CNGB3: variants seen among roughly 807,000 people sequenced by gnomAD.
CNGB3 encodes cyclic nucleotide gated channel subunit beta 3.
In CNGB3, 86 loss-of-function variants were observed where a neutral mutation model predicts 92.8. The ratio of observed to expected loss-of-function variants is 0.93; its 90% confidence interval spans 0.78 to 1.11. CNGB3 has a LOEUF of 1.11. CNGB3 is among the 50% of genes least tolerant of loss of function. The pLI is 0.00. For synonymous variants in CNGB3, 333 were observed against 332.7 expected (o/e 1.00, Z -0.01); for missense variants, 1,026 against 956.8 (o/e 1.07, Z -0.95).
At chr8:86,611,925 C>T (rs1339074323) in intron 13 of CNGB3, among the ~76,000 whole-genome samples, 2 of 152,106 alleles carry the variant, frequency 1.3e-5, no homozygotes, top group East Asian at 3.8e-4. Context: ...GCTACGTAAC[C>T]TCTCATCCTC....
At chr8:86,655,888 T>TA (rs1823496429) in intron 6 of CNGB3, among the ~76,000 whole-genome samples, 1 of 152,232 alleles carries the variant, frequency 6.6e-6, no homozygotes, top group Non-Finnish European at 1.5e-5. Flanking sequence ...TAAGGGCTCT[T>TA]AATTAGTTGA....
chr8:86,694,036 C>T (rs1339650218), intron 3 of CNGB3, among the ~76,000 whole-genome samples: 1 of 148,824 alleles, frequency 6.7e-6, no homozygotes, highest in Non-Finnish European at 1.5e-5. Context: ...GGCAGAGGCG[C>T]CCCTCACCTC....
intron 6 of CNGB3, among the ~76,000 whole-genome samples, chr8:86,656,046 G>T (rs1381540561): frequency 6.6e-6 from 1 of 152,002 alleles, no homozygotes; most frequent in East Asian, 1.9e-4. Context: ...GACTTTTTTG[G>T]CTATAATTTT....
At chr8:86,718,340 C>A (rs942036814) in intron 3 of CNGB3, among the ~76,000 whole-genome samples, 1 of 152,058 alleles carries the variant, frequency 6.6e-6, no homozygotes, top group Middle Eastern at 3.2e-3. Flanking sequence ...GGAGATATTA[C>A]TACTGATACC....
chr8:86,587,950 T>C (rs1466454217), intron 15 of CNGB3, among the ~76,000 whole-genome samples: 4 of 151,688 alleles, frequency 2.6e-5, no homozygotes, highest in African/African-American at 7.3e-5. Flanking sequence ...TTTCACGATA[T>C]TGATTCTTCC....
At chr8:86,608,904 C>T (rs953022651) in intron 14 of CNGB3, among the ~76,000 whole-genome samples, 13 of 151,996 alleles carry the variant, frequency 8.6e-5, no homozygotes, top group South Asian at 4.2e-4. Flanking sequence ...TACCGGTCTC[C>T]GCGCATTGGT....
At chr8:86,619,498 A>G (rs866213162) in intron 13 of CNGB3, among the ~76,000 whole-genome samples, 6 of 152,152 alleles carry the variant, frequency 3.9e-5, no homozygotes, top group African/African-American at 1.2e-4. Context: ...CTGATCACCC[A>G]TGTTGAAGCA....
chr8:86,630,487 A>C (rs1227660791), intron 11 of CNGB3, among the ~76,000 whole-genome samples: 1 of 152,196 alleles, frequency 6.6e-6, no homozygotes, highest in South Asian at 2.1e-4. Flanking sequence ...AATGGATTGC[A>C]GGCTAGGGAA....
At chr8:86,600,781 T>TC (rs1228594242) in intron 15 of CNGB3, among the ~76,000 whole-genome samples, 1 of 15,368 alleles carries the variant, frequency 6.5e-5, no homozygotes, top group African/African-American at 1.2e-4. Context: ...GGCTAATTTT[T>TC]TTTTTTTTTT....
At chr8:86,739,936 G>T (rs987422889) in intron 1 of CNGB3, among the ~76,000 whole-genome samples, 200 bp from the exon 2 acceptor site, 2 of 152,148 alleles carry the variant, frequency 1.3e-5, no homozygotes, top group African/African-American at 2.4e-5. Flanking sequence ...CTCCACAGCT[G>T]CCCTCTGGTT....
chr8:86,600,005 A>G (rs928043316), intron 15 of CNGB3, among the ~76,000 whole-genome samples: 4 of 152,170 alleles, frequency 2.6e-5, no homozygotes, highest in African/African-American at 7.2e-5. Flanking sequence ...ACCTGGTGAC[A>G]TGTGATGTCT....
At chr8:86,633,093 G>A (rs1182656501) in intron 10 of CNGB3, among the ~76,000 whole-genome samples, 200 bp from the exon 11 acceptor site, 1 of 152,144 alleles carries the variant, frequency 6.6e-6, no homozygotes, top group Non-Finnish European at 1.5e-5. Context: ...ACAAGCCCAA[G>A]GAGGGTGTTT....
At chr8:86,609,147 A>G (rs1334584251) in intron 14 of CNGB3, among the ~76,000 whole-genome samples, 3 of 152,318 alleles carry the variant, frequency 2.0e-5, no homozygotes, top group South Asian at 2.1e-4. Flanking sequence ...AAAAGGCTGC[A>G]TCTACTCTGC....
intron 6 of CNGB3, chr8:86,658,633 T>A (rs1207848550): frequency 2.9e-6 from 1 of 341,320 alleles, no homozygotes; most frequent in Non-Finnish European, 5.6e-6. Context: ...TGCTGTAGAC[T>A]CTGAGCCTCT....
At chr8:86,585,664 G>C (rs1167644762) in intron 15 of CNGB3, among the ~76,000 whole-genome samples, 1 of 152,168 alleles carries the variant, frequency 6.6e-6, no homozygotes, top group African/African-American at 2.4e-5. Context: ...TAAGCCTTCT[G>C]TACCATAAAA....
chr8:86,720,839 T>TATATAC (rs1554618004), intron 3 of CNGB3, among the ~76,000 whole-genome samples: 1 of 129,888 alleles, frequency 7.7e-6, no homozygotes, highest in Non-Finnish European at 1.6e-5. Flanking sequence ...TATATATGTA[T>TATATAC]ACACACACAC....
At chr8:86,669,954 G>A (rs762050815) in intron 4 of CNGB3, among the ~76,000 whole-genome samples, 1 of 151,914 alleles carries the variant, frequency 6.6e-6, no homozygotes, top group East Asian at 1.9e-4. Context: ...GGGTTCAAGC[G>A]ATTCCCCTGC....
intron 11 of CNGB3, among the ~76,000 whole-genome samples, chr8:86,630,858 G>T (rs1357783804): frequency 6.6e-6 from 1 of 152,134 alleles, no homozygotes; most frequent in African/African-American, 2.4e-5. Context: ...TGGGCACAGA[G>T]CCAGACCCTG....
At chr8:86,607,266 G>A (rs536933980) in intron 14 of CNGB3, among the ~76,000 whole-genome samples, 2 of 152,070 alleles carry the variant, frequency 1.3e-5, no homozygotes, top group Non-Finnish European at 2.9e-5. Context: ...AGTTTAATTA[G>A]CATTCAAATT....
Sources: allele counts gnomAD v4.1 joint callset (sites outside exome capture counted in the v4.1 genomes callset), GRCh38; gene constraint gnomAD v4.1.1; transcripts MANE v1.5; gene names NCBI Gene and HGNC (gene_info 2026-07-23, HGNC 2026-07-21).